Variants in PLEKHA8 observed in about 807,000 individuals in gnomAD.
PLEKHA8 encodes pleckstrin homology domain-containing family A member 8.
In PLEKHA8, 36 loss-of-function variants were observed where a neutral mutation model predicts 68.2. That is an observed-to-expected ratio of 0.53 (90% CI 0.40 to 0.70). The LOEUF is 0.70. PLEKHA8 is among the 30% of genes least tolerant of loss of function. PLEKHA8 has a pLI of 0.00. For missense variants in PLEKHA8, 505 were observed against 615.4 expected, an observed-to-expected ratio of 0.82 and a Z score of 1.90; for synonymous variants, 211 against 216.1, an observed-to-expected ratio of 0.98 and a Z score of 0.20.
chr7:30,057,667 G>A (rs1159317164), intron 9 of PLEKHA8, among the ~76,000 whole-genome samples: 1 of 152,082 alleles, frequency 6.6e-6, no homozygotes, highest in Non-Finnish European at 1.5e-5. Context: ...CACCATGTTG[G>A]CCAGGCTGGT....
intron 13 of PLEKHA8, among the ~76,000 whole-genome samples, chr7:30,119,045 G>A (rs1796653000): frequency 6.6e-6 from 1 of 152,192 alleles, no homozygotes; most frequent in Non-Finnish European, 1.5e-5. Flanking sequence ...TTGGCCCGTG[G>A]TACAGACATG....
intron 13 of PLEKHA8, among the ~76,000 whole-genome samples, chr7:30,111,227 T>G (rs1796264508): frequency 6.6e-6 from 1 of 152,186 alleles, no homozygotes; most frequent in Non-Finnish European, 1.5e-5. Flanking sequence ...TAAGAGTTCT[T>G]TATATATTCT....
At chr7:30,029,151 C>T (rs572619528) in intron 1 of PLEKHA8, among the ~76,000 whole-genome samples, 4 of 152,334 alleles carry the variant, frequency 2.6e-5, no homozygotes, top group South Asian at 2.1e-4. Context: ...TGAATTTTGG[C>T]GAAGGAACCG....
At chr7:30,127,592 G>A (rs117429105) in intron 13 of PLEKHA8, among the ~76,000 whole-genome samples, 54 of 152,278 alleles carry the variant, frequency 3.5e-4, no homozygotes, top group Non-Finnish European at 5.0e-4. Flanking sequence ...GAAATAGACC[G>A]AAAGGTGGAC....
At chr7:30,029,353 G>GT (rs1790474706) in intron 1 of PLEKHA8, among the ~76,000 whole-genome samples, 1 of 152,140 alleles carries the variant, frequency 6.6e-6, no homozygotes, top group Admixed American at 6.5e-5. Context: ...TCTGCACAAG[G>GT]TTTTTTATTT....
At chr7:30,121,439 TCCAACATGGTGAAACCCC>T in intron 13 of PLEKHA8, among the ~76,000 whole-genome samples, 1 of 152,194 alleles carries the variant, frequency 6.6e-6, no homozygotes, top group Middle Eastern at 3.4e-3. Context: ...GACCTGCCTG[TCCAACATGGTGAAACCCC>T]CTCTCTACTA....
At chr7:30,114,437 T>G (rs928134458) in intron 13 of PLEKHA8, among the ~76,000 whole-genome samples, 1 of 152,260 alleles carries the variant, frequency 6.6e-6, no homozygotes, top group East Asian at 1.9e-4. Flanking sequence ...CCCAGCACTT[T>G]AGCTTCAGTT....
At chr7:30,114,980 G>A (rs767900507) in intron 13 of PLEKHA8, among the ~76,000 whole-genome samples, 33 of 152,016 alleles carry the variant, frequency 2.2e-4, no homozygotes, top group African/African-American at 6.3e-4. Flanking sequence ...CCAGTGCATC[G>A]ATGGTTCTCC....
intron 13 of PLEKHA8, among the ~76,000 whole-genome samples, chr7:30,124,488 A>G (rs149587938): frequency 3.7e-4 from 56 of 152,330 alleles, no homozygotes; most frequent in African/African-American, 1.3e-3. Flanking sequence ...TTCGTTTATA[A>G]CACTTGAGTC....
rs1327627791 is a variant in PLEKHA8, at chr7:30,078,615, A to G, written c.1388A>G (p.Tyr463Cys). The G allele has an allele frequency of 1.9e-6, 3 of 1,613,736 alleles. No homozygotes were observed. In the African/African-American group the frequency reaches 4.0e-5, roughly 22 times the overall value. The change falls in exon 14 of 14, where the codon TAT (tyrosine) becomes TGT (cysteine). Residue 463 changes from tyrosine to cysteine, a missense_variant. By Grantham distance (194) the Tyr-to-Cys change is radical (BLOSUM62 -2). Transcript: ENST00000449726. ...TTAGCTTTAAGGGCAGCTCCATCCT[A>G]TGAAGATTTTGTGGCCGCGTTAACC... is the stretch of plus-strand genomic sequence containing the variant. The part of the protein sequence containing the change: ...FALALRAAPS[Y>C]EDFVAALTVK...
At chr7:30,039,057 T>C (rs538106397) in intron 1 of PLEKHA8, among the ~76,000 whole-genome samples, 8 of 152,204 alleles carry the variant, frequency 5.3e-5, no homozygotes, top group Non-Finnish European at 1.2e-4. Context: ...TTGGCTAAGA[T>C]TTTTTAAAAG....
At chr7:30,055,170 C>G in intron 8 of PLEKHA8, 87 bp from the exon 9 acceptor site, 1 of 1,171,676 alleles carries the variant, frequency 8.5e-7, no homozygotes, top group South Asian at 1.2e-5. Context: ...TACAGAGAGG[C>G]AGCTGTGTCT....
chr7:30,061,820 C>A (rs1793459307), intron 10 of PLEKHA8, 77 bp from the exon 11 acceptor site: 4 of 1,538,064 alleles, frequency 2.6e-6, no homozygotes, highest in Non-Finnish European at 3.5e-6. Flanking sequence ...GCCAAACTTA[C>A]AAGTCTCCAG....
At chr7:30,122,469 C>G (rs1368835880) in intron 13 of PLEKHA8, among the ~76,000 whole-genome samples, 1 of 152,188 alleles carries the variant, frequency 6.6e-6, no homozygotes, top group Non-Finnish European at 1.5e-5. Context: ...GTAAATTTCT[C>G]CTTTCCTTCT....
At chr7:30,094,185 T>C (rs1795517891), downstream of PLEKHA8, among the ~76,000 whole-genome samples, 2 of 152,230 alleles carry the variant, frequency 1.3e-5, no homozygotes, top group African/African-American at 4.8e-5. Flanking sequence ...ATGTCATCAC[T>C]CATACTTAAT....
In PLEKHA8 at chr7:30,078,874, C is replaced by T. The variant is rs965221841; in HGVS notation, c.*87C>T. 6.0e-6 allele frequency: 9 copies of T among 1,488,384 alleles called. No homozygotes were observed. The highest frequency in any genetic ancestry group is 8.0e-6 in the Non-Finnish European group (9 of 1,120,080). 92.2% of individuals were successfully genotyped at this position (1,488,384 alleles called of 1,614,324 possible). A position where few individuals can be genotyped will look rare whatever the true frequency, so the allele number is the denominator to read the frequency against. On this transcript the variant is annotated 3_prime_UTR_variant, in exon 14 of 14. Coordinates refer to ENST00000449726, the MANE Select transcript of PLEKHA8 (RefSeq NM_001197026.2). ...CTTAATTTCCAGCAACAGCCTCAACCCTCTCCAACCCCTTCACCTGGGGGG... is the reference window on the plus strand; with the variant it reads ...CTTAATTTCCAGCAACAGCCTCAACTCTCTCCAACCCCTTCACCTGGGGGG...
intron 7 of PLEKHA8, among the ~76,000 whole-genome samples, chr7:30,054,330 A>G (rs1247129334): frequency 1.3e-5 from 2 of 152,204 alleles, no homozygotes; most frequent in East Asian, 1.9e-4. Context: ...TAGCAAGTAG[A>G]CAAATTCACA....
chr7:30,037,006 A>G (rs771544514), intron 1 of PLEKHA8, among the ~76,000 whole-genome samples: 17 of 152,288 alleles, frequency 1.1e-4, no homozygotes, highest in Non-Finnish European at 2.2e-4. Flanking sequence ...GAACTCCCCT[A>G]GAGAAGCTGA....
chr7:30,063,462 T>A (rs1267734548), intron 12 of PLEKHA8, among the ~76,000 whole-genome samples: 2 of 152,310 alleles, frequency 1.3e-5, no homozygotes, highest in African/African-American at 4.8e-5. Flanking sequence ...TATAGGAAAT[T>A]CTTCTAGCAT....
Sources: gnomAD v4.1 joint callset for allele counts (sites outside exome capture counted in the v4.1 genomes callset) on GRCh38, gnomAD v4.1.1 for gene constraint, MANE v1.5 for transcripts, NCBI Gene and HGNC (gene_info 2026-07-23, HGNC 2026-07-21) for gene names.